Variants in LPAR6 observed in about 807,000 individuals in gnomAD.
LPAR6 encodes the protein lysophosphatidic acid receptor 6, also known as G-protein coupled purinergic receptor P2Y5.
Under a neutral mutation model 22.0 loss-of-function variants are expected in LPAR6, and 17 were observed. That is an observed-to-expected ratio of 0.77 (90% confidence interval 0.53 to 1.16). The LOEUF is 1.16. LPAR6 is among the 50% of genes most tolerant of loss of function. The probability of loss-of-function intolerance (pLI) is 0.00; values close to 1 mark genes in which losing one functional copy is unlikely to be tolerated. For synonymous variants in LPAR6, 136 were observed against 139.8 expected (o/e 0.97, Z 0.19); for missense variants, 384 against 406.9 (o/e 0.94, Z 0.48).
upstream of LPAR6, chr13:48,415,665 A>T (rs1424465753): frequency 1.3e-5 from 2 of 152,178 alleles, no homozygotes; most frequent in Admixed American, 1.3e-4. Context: ...TTTCATTATT[A>T]TCAGTATCAT....
chr13:48,394,365 T>C (rs1469127194), intron 1 of LPAR6, among the ~76,000 whole-genome samples: 1 of 152,170 alleles, frequency 6.6e-6, no homozygotes, highest in African/African-American at 2.4e-5. Flanking sequence ...GAGTTTTCTT[T>C]CGTACTCCAG....
chr13:48,436,159 T>A (rs185835082), intron 1 of LPAR6, among the ~76,000 whole-genome samples: 180 of 152,288 alleles, frequency 1.2e-3, no homozygotes, highest in African/African-American at 4.0e-3. Context: ...AAAGTAGGTA[T>A]TGAAAGACCA....
chr13:48,423,793 G>A (rs945669784), intron 1 of LPAR6, among the ~76,000 whole-genome samples: 8 of 152,146 alleles, frequency 5.3e-5, no homozygotes, highest in Non-Finnish European at 7.4e-5. Flanking sequence ...TCCTGTAGTC[G>A]AAGCTACTCT....
At chr13:48,440,712 G>A (rs1438399652) in intron 1 of LPAR6, among the ~76,000 whole-genome samples, 1 of 152,122 alleles carries the variant, frequency 6.6e-6, no homozygotes, top group Admixed American at 6.5e-5. Flanking sequence ...CATAGATAAA[G>A]GGTTTTCTTT....
At chr13:48,393,552 C>T (rs983662656) in intron 1 of LPAR6, among the ~76,000 whole-genome samples, 1 of 152,180 alleles carries the variant, frequency 6.6e-6, no homozygotes, top group Non-Finnish European at 1.5e-5. Flanking sequence ...AATCTGGTCC[C>T]TGTTTCTTCA....
chr13:48,426,681 C>G (rs1244229461), intron 1 of LPAR6: 2 of 152,212 alleles, frequency 1.3e-5, no homozygotes, highest in Non-Finnish European at 2.9e-5. Context: ...CTGATTATTG[C>G]TGGAGCAGGA....
chr13:48,413,275 C>T (rs1948849822), upstream of LPAR6, among the ~76,000 whole-genome samples: 1 of 152,192 alleles, frequency 6.6e-6, no homozygotes, highest in Admixed American at 6.5e-5. Context: ...TGGTCACTGG[C>T]TGTTGAACTG....
downstream of LPAR6, among the ~76,000 whole-genome samples, chr13:48,410,209 G>A (rs770343635): frequency 3.9e-5 from 6 of 152,118 alleles, no homozygotes; most frequent in African/African-American, 7.2e-5. Context: ...GTCAATGACC[G>A]CATAAACGAT....
At chr13:48,407,375 G>T (rs1316271051), downstream of LPAR6, among the ~76,000 whole-genome samples, 1 of 152,170 alleles carries the variant, frequency 6.6e-6, no homozygotes, top group Non-Finnish European at 1.5e-5. Context: ...GAAGGTAGGA[G>T]AGGCTTAACA....
rs957520917 is a variant in LPAR6, at chr13:48,402,297, C to T, written n.115-12485G>A. 9.3e-5 allele frequency among the ~76,000 whole-genome samples: 14 copies of T among 150,950 alleles called. 1 individual carries two copies. The highest frequency in any genetic ancestry group is 7.9e-4 in the Admixed American group (12 of 15,140). The stretch of plus-strand genomic sequence containing the variant: ...TTTAACGGGGTCTTCTGAAAATAAA[C>T]GTTTGCACATTTCAGTTCCAATGAA... On this transcript the variant is annotated intron_variant and non_coding_transcript_variant, in intron 1 of 1. Coordinates refer to the LPAR6 transcript ENST00000462781.
At position 48,444,659 on chromosome 13, in the gene LPAR6, C is replaced by T. The variant is rs1949271139; in HGVS notation, c.-1580G>A. The T allele has an allele frequency of 1.3e-5, 2 of 152,302 alleles. 1 individual carries two copies. Among genetic ancestry groups the T allele is most frequent in the Non-Finnish European group, 2.9e-5 (2 of 68,142 alleles). The allele number at this position is 152,302 out of a possible 1,614,324, so 9.4% of individuals were successfully genotyped here. Reference sequence around the variant, plus strand: ...CCATGCCCTCTGGGGGCCACACCCTCCAGAAACCTCCATGTGTTCAGCTAT... The same window carrying T: ...CCATGCCCTCTGGGGGCCACACCCTTCAGAAACCTCCATGTGTTCAGCTAT... On this transcript the variant is annotated 5_prime_UTR_variant, in exon 1 of 7. Transcript: ENST00000378434.
chr13:48,406,698 C>T (rs1289721170), downstream of LPAR6: 2 of 152,204 alleles, frequency 1.3e-5, no homozygotes, highest in Admixed American at 1.3e-4. Context: ...TTCTCTCCCA[C>T]AGGGCCTTTG....
At chr13:48,439,966 G>A (rs1410425016) in intron 1 of LPAR6, among the ~76,000 whole-genome samples, 3 of 152,120 alleles carry the variant, frequency 2.0e-5, no homozygotes, top group Admixed American at 1.3e-4. Context: ...ATAGATACAT[G>A]CATACATATA....
intron 2 of LPAR6, among the ~76,000 whole-genome samples, chr13:48,422,234 G>T (rs965544981): frequency 1.3e-5 from 2 of 152,040 alleles, no homozygotes; most frequent in African/African-American, 4.8e-5. Flanking sequence ...GGATGAAGCT[G>T]GAAACCATCA....
At chr13:48,408,436 G>A (rs1948758986), downstream of LPAR6, among the ~76,000 whole-genome samples, 1 of 152,032 alleles carries the variant, frequency 6.6e-6, no homozygotes, top group South Asian at 2.1e-4. Context: ...AATGTGGGAA[G>A]GAAGATTAGT....
At chr13:48,398,966 T>C (rs1229960076) in intron 1 of LPAR6, among the ~76,000 whole-genome samples, 1 of 152,078 alleles carries the variant, frequency 6.6e-6, no homozygotes, top group Non-Finnish European at 1.5e-5. Context: ...GTCTGGCTTA[T>C]TCCTCAGGAA....
chr13:48,417,771 G>T (rs1457200349), upstream of LPAR6, among the ~76,000 whole-genome samples: 6 of 152,250 alleles, frequency 3.9e-5, no homozygotes, highest in South Asian at 2.1e-4. Flanking sequence ...CAGAAGAAAG[G>T]ATATCAGAGA....
chr13:48,433,981 C>G (rs1566225268), intron 1 of LPAR6, among the ~76,000 whole-genome samples: 2 of 151,840 alleles, frequency 1.3e-5, no homozygotes, highest in Non-Finnish European at 1.5e-5. Flanking sequence ...GCCTTAGCCT[C>G]CCAAAGTGCT....
chr13:48,402,291 A>G (rs1948698829), intron 1 of LPAR6, among the ~76,000 whole-genome samples: 1 of 151,820 alleles, frequency 6.6e-6, no homozygotes, highest in Non-Finnish European at 1.5e-5. Flanking sequence ...GTCTTCTGAA[A>G]ATAAACGTTT....
Sources: gnomAD v4.1 joint callset for allele counts (sites outside exome capture counted in the v4.1 genomes callset) on GRCh38, gnomAD v4.1.1 for gene constraint, MANE v1.5 for transcripts, NCBI Gene and HGNC (gene_info 2026-07-23, HGNC 2026-07-21) for gene names.